The following WNK2 variants were observed in gnomAD, a reference collection of about 807,000 sequenced individuals.
WNK2 encodes serine/threonine-protein kinase WNK2.
WNK2 carries 67 observed loss-of-function variants against 192.1 expected under a neutral mutation model. The ratio of observed to expected loss-of-function variants is 0.35; its 90% CI spans 0.29 to 0.43. The LOEUF (loss-of-function observed/expected upper bound fraction) is 0.43, where lower values mean the gene tolerates loss of function less well. Ranked by LOEUF, WNK2 falls within the 20% of genes least tolerant of loss-of-function variation. The probability of loss-of-function intolerance (pLI) is 1.00; values close to 1 mark genes in which losing one functional copy is unlikely to be tolerated. For synonymous variants in WNK2, 1,439 were observed against 1,393.9 expected, an observed-to-expected ratio of 1.03 and a Z score of -0.72; for missense variants, 2,698 against 3,089.7, an observed-to-expected ratio of 0.87 and a Z score of 3.01.
intron 1 of WNK2, among the ~76,000 whole-genome samples, chr9:93,184,654 A>G (rs945764217): frequency 6.6e-6 from 1 of 151,674 alleles, no homozygotes; most frequent in Admixed American, 6.5e-5. Context: ...ACACCCTAGC[A>G]GGTCCTCTCT....
intron 16 of WNK2, 51 bp from the exon 17 acceptor site, chr9:93,267,695 G>A: frequency 6.7e-7 from 1 of 1,500,414 alleles, no homozygotes; most frequent in South Asian, 1.3e-5. Flanking sequence ...GAAGACCTAG[G>A]GTGGTCTTGG....
chr9:93,308,417 A>C lies in WNK2; in HGVS notation c.6349A>C (p.Lys2117Gln). The C allele has an allele frequency of 1.2e-6, 2 of 1,603,172 alleles. No individual in the cohort carries two copies. The highest frequency in any genetic ancestry group is 1.7e-6 in the Non-Finnish European group (2 of 1,175,648). ...GGCGCAGGTGAACAACAGCAACAAC[A>C]AGAAGGGTACCTTCACGGACGACCT... ...VQAQVNNSNN[K>Q]KGTFTDDLHK... The change falls in exon 28 of 30, where the codon AAG becomes CAG. Residue 2117 changes from lysine (K) to glutamine (Q), a missense_variant. Around this residue, in one of 7 missense-constraint regions of WNK2, gnomAD observed 167 missense variants for 184.2 expected, o/e 0.91. Transcript: ENST00000427277.
At position 93,185,552 on chromosome 9, in the gene WNK2, C is replaced by T; in HGVS notation, c.623C>T (p.Thr208Met). 3 of 1,612,976 alleles carry T rather than the reference C, an allele frequency of 1.9e-6. No individual in the cohort carries two copies. The highest frequency in any genetic ancestry group is 2.2e-5 in the South Asian group (2 of 90,998). Reference sequence around the variant, plus strand: ...GAGCTGGGCCGCGGTTCCTTCAAGACGGTCTACAAGGGGCTGGACACGGAG... The same window carrying T: ...GAGCTGGGCCGCGGTTCCTTCAAGATGGTCTACAAGGGGCTGGACACGGAG... ...DIELGRGSFKTVYKGLDTETW... is the reference protein window; with the variant it reads ...DIELGRGSFKMVYKGLDTETW... The change falls in exon 2 of 30, where the codon ACG becomes ATG. Residue 208 changes from threonine to methionine, a missense_variant. Coordinates refer to ENST00000427277, the MANE Select transcript of WNK2 (RefSeq NM_006648.4).
chr9:93,264,980 AAAGCCTCATGTGGGCTTTGCAGGG>A (rs1844920399), intron 16 of WNK2, among the ~76,000 whole-genome samples: 1 of 152,214 alleles, frequency 6.6e-6, no homozygotes, highest in South Asian at 2.1e-4. Flanking sequence ...TGGCTTCGTG[AAAGCCTCATGTGGGCTTTGCAGGG>A]GGAAGCCCCT....
intron 9 of WNK2, among the ~76,000 whole-genome samples, 195 bp downstream of exon 9, chr9:93,253,277 G>A (rs185099311): frequency 2.0e-3 from 298 of 152,078 alleles, no homozygotes; most frequent in Non-Finnish European, 2.6e-3. Flanking sequence ...GGAAAGCCCC[G>A]TCCTTGCTGT....
intron 2 of WNK2, among the ~76,000 whole-genome samples, chr9:93,211,269 C>CACACTCGCACATTTACTCAT: frequency 1.2e-5 from 1 of 81,998 alleles, no homozygotes; most frequent in Admixed American, 1.3e-4. Flanking sequence ...CACTCATTCA[C>CACACTCGCACATTTACTCAT]TCACTCATCC....
chr9:93,246,471 G>A (rs1030536202), intron 7 of WNK2, among the ~76,000 whole-genome samples: 3 of 152,192 alleles, frequency 2.0e-5, no homozygotes, highest in African/African-American at 7.2e-5. Flanking sequence ...CAGTCTGTCT[G>A]TGTTTATTCA....
chr9:93,208,471 A>G (rs1165592847), intron 2 of WNK2, among the ~76,000 whole-genome samples: 2 of 151,608 alleles, frequency 1.3e-5, no homozygotes, highest in East Asian at 3.9e-4. Flanking sequence ...CATGTTCTCC[A>G]TGTGCATGTG....
intron 9 of WNK2, 32 bp from the exon 10 acceptor site, chr9:93,256,267 G>A (rs374882825): frequency 2.0e-6 from 3 of 1,476,096 alleles, no homozygotes; most frequent in Non-Finnish European, 2.7e-6. Context: ...GCCGAGAGCT[G>A]CTGCTGAGTG....
At chr9:93,217,634 A>G (rs1042364531) in intron 2 of WNK2, among the ~76,000 whole-genome samples, 1 of 152,272 alleles carries the variant, frequency 6.6e-6, no homozygotes, top group South Asian at 2.1e-4. Context: ...TTACCCTTCC[A>G]TGGTCCTCCT....
chr9:93,320,305 C>A (rs1376845496), intron 29 of WNK2, 62 bp from the exon 30 acceptor site: 2 of 1,365,730 alleles, frequency 1.5e-6, no homozygotes, highest in East Asian at 9.1e-5. Flanking sequence ...CAGGGCCTGG[C>A]CCTTGGCGAG....
At chr9:93,264,912 A>G (rs1041862057) in intron 16 of WNK2, among the ~76,000 whole-genome samples, 8 of 152,204 alleles carry the variant, frequency 5.3e-5, no homozygotes, top group African/African-American at 9.6e-5. Flanking sequence ...CGGCTGCTGC[A>G]TTGCACATCA....
intron 26 of WNK2, among the ~76,000 whole-genome samples, chr9:93,301,590 C>T (rs372567475): frequency 1.8e-4 from 28 of 152,272 alleles, no homozygotes; most frequent in Admixed American, 2.6e-4. Context: ...CCTTCCCCCC[C>T]ACCCCTGCGT....
At position 93,187,730 on chromosome 9, in the gene WNK2, G is replaced by T. The variant is rs566211051; in HGVS notation, c.681+2120G>T. 1.0e-3 allele frequency among the ~76,000 whole-genome samples: 154 copies of T among 152,198 alleles called. 1 individual carries two copies. Among genetic ancestry groups the T allele is most frequent in the African/African-American group, 3.5e-3 (145 of 41,520 alleles). On this transcript the variant is annotated intron_variant, in intron 2 of 29. Transcript: ENST00000427277. Reference sequence around the variant, plus strand: ...AGGGCCCCTGCCTGTGTGTAGAGTGGTGTAGGCTGACTTTGTGCAGAGCTA... The same window carrying T: ...AGGGCCCCTGCCTGTGTGTAGAGTGTTGTAGGCTGACTTTGTGCAGAGCTA...
intron 28 of WNK2, 72 bp from the exon 29 acceptor site, chr9:93,317,448 T>G (rs1588673542): frequency 6.8e-7 from 1 of 1,478,516 alleles, no homozygotes. Context: ...TGTGGCACCC[T>G]GGGGGCCACT....
chr9:93,201,445 A>G (rs1832337153), intron 2 of WNK2, among the ~76,000 whole-genome samples: 1 of 152,226 alleles, frequency 6.6e-6, no homozygotes, highest in South Asian at 2.1e-4. Context: ...GGGAGGTGGA[A>G]CGTGGAGAAC....
intron 25 of WNK2, 41 bp downstream of exon 25, chr9:93,299,302 C>T (rs369794380): frequency 2.9e-5 from 45 of 1,535,986 alleles, no homozygotes; most frequent in East Asian, 1.2e-4. Context: ...GTGCTAGCCA[C>T]GTAGGGCCTC....
chr9:93,211,880 A>T (rs571303367), intron 2 of WNK2, among the ~76,000 whole-genome samples: 5,225 of 148,282 alleles, frequency 0.035, 300 homozygotes, highest in African/African-American at 0.12. Context: ...ACTCATTCAC[A>T]CACTCACACA....
intron 19 of WNK2, among the ~76,000 whole-genome samples, chr9:93,278,171 G>T (rs1307629840): frequency 6.6e-6 from 1 of 152,214 alleles, no homozygotes; most frequent in Admixed American, 6.5e-5. Context: ...GGAAGGAAGA[G>T]CCCAGGCAGA....
Sources: allele counts gnomAD v4.1 joint callset (sites outside exome capture counted in the v4.1 genomes callset), GRCh38; gene constraint gnomAD v4.1.1; regional missense constraint gnomAD v4.1.1; transcripts MANE v1.5; gene names NCBI Gene and HGNC (gene_info 2026-07-23, HGNC 2026-07-21).